Variants in UBE2L3 observed in about 807,000 individuals in gnomAD.
UBE2L3 encodes ubiquitin conjugating enzyme E2 L3, also known as ubiquitin-conjugating enzyme E2 L3.
Under a neutral mutation model 17.8 loss-of-function variants are expected in UBE2L3, and 1 was observed. That is an observed-to-expected ratio of 0.06 (90% CI 0.02 to 0.27). The LOEUF is 0.27. UBE2L3 is among the 10% of genes least tolerant of loss of function. The pLI is 1.00. For synonymous variants in UBE2L3, 44 were observed against 68.5 expected, an observed-to-expected ratio of 0.64 and a Z score of 1.76; for missense variants, 40 against 192.6, an observed-to-expected ratio of 0.21 and a Z score of 4.69.
chr22:21,615,191 T>G (rs995219094), intron 3 of UBE2L3, among the ~76,000 whole-genome samples: 1 of 151,532 alleles, frequency 6.6e-6, no homozygotes, highest in Admixed American at 6.6e-5. Flanking sequence ...AAATGGTGTA[T>G]CTCTACAATG....
chr22:21,570,324 C>A (rs578255965), intron 1 of UBE2L3, among the ~76,000 whole-genome samples: 1 of 152,046 alleles, frequency 6.6e-6, no homozygotes. Context: ...TAAAAAAAAA[C>A]AGACCTTGGA....
At chr22:21,554,337 A>AAAAATT (rs1255725789) in intron 1 of UBE2L3, among the ~76,000 whole-genome samples, 1 of 48,498 alleles carries the variant, frequency 2.1e-5, no homozygotes, top group Non-Finnish European at 5.1e-5. Flanking sequence ...TCTCAAAAAT[A>AAAAATT]AAAATTAAAA....
At chr22:21,619,336 G>C (rs1929938311) in intron 3 of UBE2L3, among the ~76,000 whole-genome samples, 1 of 152,208 alleles carries the variant, frequency 6.6e-6, no homozygotes, top group Non-Finnish European at 1.5e-5. Context: ...TACCCCTGAA[G>C]AGGCTTAGAG....
chr22:21,601,767 C>A (rs1290891071), intron 2 of UBE2L3, among the ~76,000 whole-genome samples: 1 of 151,250 alleles, frequency 6.6e-6, no homozygotes, highest in Admixed American at 6.6e-5. Flanking sequence ...GTCAGGAGAT[C>A]GAGACCATCC....
chr22:21,564,149 C>A (rs1926553429), upstream of UBE2L3, among the ~76,000 whole-genome samples: 1 of 151,758 alleles, frequency 6.6e-6, no homozygotes, highest in African/African-American at 2.4e-5. Context: ...GATCCTCTCA[C>A]TTCAGCCTCC....
intron 1 of UBE2L3, 161 bp downstream of exon 1, chr22:21,567,932 G>A (rs1926726039): frequency 2.8e-6 from 4 of 1,429,008 alleles, no homozygotes; most frequent in Middle Eastern, 2.6e-4. Context: ...TGCTAACGGG[G>A]CTGGCCTAGG....
At chr22:21,609,398 A>G (rs1713699305) in intron 2 of UBE2L3, among the ~76,000 whole-genome samples, 1 of 152,188 alleles carries the variant, frequency 6.6e-6, no homozygotes, top group Admixed American at 6.5e-5. Context: ...ATCTAGACAA[A>G]TGACATTCAA....
At chr22:21,607,625 AG>A (rs1297524342) in intron 2 of UBE2L3, among the ~76,000 whole-genome samples, 14 of 151,748 alleles carry the variant, frequency 9.2e-5, no homozygotes, top group Non-Finnish European at 2.1e-4. Context: ...GTGAGGGAAA[AG>A]GGAGTACAAT....
chr22:21,568,331 TG>T, intron 1 of UBE2L3: 1 of 985,460 alleles, frequency 1.0e-6, no homozygotes, highest in Non-Finnish European at 1.2e-6. Context: ...GGAATTGCGC[TG>T]GGTCCTAGCA....
chr22:21,555,567 G>A (rs1926194246), intron 1 of UBE2L3: 1 of 156,272 alleles, frequency 6.4e-6, no homozygotes, highest in Non-Finnish European at 1.4e-5. Context: ...AGAGGTTGCA[G>A]TGAGCCGAGA....
At chr22:21,568,194 C>T in intron 1 of UBE2L3, 1 of 994,018 alleles carries the variant, frequency 1.0e-6, no homozygotes, top group Non-Finnish European at 1.2e-6. Context: ...CCGCCCTGGG[C>T]CGCAGCGCGC....
chr22:21,563,822 G>C (rs1485477166), upstream of UBE2L3, among the ~76,000 whole-genome samples: 1 of 151,630 alleles, frequency 6.6e-6, no homozygotes, highest in Non-Finnish European at 1.5e-5. Context: ...TGATCCGCCT[G>C]CCTCAGCTTC....
intron 2 of UBE2L3, among the ~76,000 whole-genome samples, chr22:21,599,994 A>G (rs1432185124): frequency 1.3e-5 from 2 of 152,232 alleles, no homozygotes; most frequent in African/African-American, 4.8e-5. Context: ...TTATGAAATG[A>G]AAGATTGGAA....
At chr22:21,576,677 G>T (rs918135558) in intron 1 of UBE2L3, among the ~76,000 whole-genome samples, 1 of 151,804 alleles carries the variant, frequency 6.6e-6, no homozygotes, top group East Asian at 1.9e-4. Flanking sequence ...CTTGTGATCC[G>T]CCCACCTCGG....
At chr22:21,560,443 T>G (rs1273085964) in intron 1 of UBE2L3, among the ~76,000 whole-genome samples, 1 of 144,882 alleles carries the variant, frequency 6.9e-6, no homozygotes, top group African/African-American at 2.7e-5. Context: ...TCCCTTTAGA[T>G]CTATTTTTTT....
rs145064151 is a variant in UBE2L3, at chr22:21,606,315, A to ATGTGTGTGTGTGTGTGTGG, written c.124-4526_124-4525insTGGTGTGTGTGTGTGTGTG. Among the ~76,000 whole-genome samples the ATGTGTGTGTGTGTGTGTGG allele has an allele frequency of 6.0e-5, 9 of 150,448 alleles. No individual in the cohort carries two copies. In the East Asian group the frequency reaches 1.2e-3, roughly 20 times the overall value. The stretch of plus-strand genomic sequence containing the variant: ...GTGTGCGCGCGCGCGTGTGTGTGGT[A>ATGTGTGTGTGTGTGTGTGG]TGTGTGTGTGTGTGTGGTGTGTGTG... On this transcript the variant is annotated intron_variant, in intron 2 of 3. Transcript: ENST00000342192.
intron 1 of UBE2L3, among the ~76,000 whole-genome samples, chr22:21,558,062 T>G (rs1336338317): frequency 1.3e-5 from 2 of 150,968 alleles, no homozygotes; most frequent in Non-Finnish European, 2.9e-5. Context: ...AGCTCTGTAT[T>G]CCACTTTCCC....
chr22:21,595,121 CA>C (rs1928447191), intron 2 of UBE2L3, among the ~76,000 whole-genome samples: 1 of 152,168 alleles, frequency 6.6e-6, no homozygotes, highest in African/African-American at 2.4e-5. Flanking sequence ...TGGTAGAATC[CA>C]AGTGTGCTTG....
chr22:21,567,545 G>A (rs913780032), upstream of UBE2L3: 132 of 1,221,588 alleles, frequency 1.1e-4, 4 homozygotes, highest in Non-Finnish European at 5.6e-6. Flanking sequence ...TGGACGATCC[G>A]TAAACGCTGA....
Sources: allele counts gnomAD v4.1 joint callset (sites outside exome capture counted in the v4.1 genomes callset), GRCh38; gene constraint gnomAD v4.1.1; transcripts MANE v1.5; gene names NCBI Gene and HGNC (gene_info 2026-07-23, HGNC 2026-07-21).